The following DNAH14 variants were observed in gnomAD, a reference collection of about 807,000 sequenced individuals.
DNAH14 encodes the protein dynein axonemal heavy chain 14.
A neutral mutation model predicts 520.9 loss-of-function variants in DNAH14; 478 were observed. That is an observed-to-expected ratio of 0.92 (90% CI 0.85 to 0.99). DNAH14 has a LOEUF of 0.99. Ranked by LOEUF, DNAH14 falls within the 50% of genes least tolerant of loss-of-function variation. The pLI, the probability that DNAH14 is intolerant of heterozygous loss-of-function variation, is 0.00. For synonymous variants in DNAH14, 1,581 were observed against 1,757.2 expected (o/e 0.90, Z 2.51); for missense variants, 4,831 against 5,234.5 (o/e 0.92, Z 2.38).
chr1:225,124,896 C>G (rs1392762280), intron 27 of DNAH14, among the ~76,000 whole-genome samples: 1 of 150,054 alleles, frequency 6.7e-6, no homozygotes, highest in Non-Finnish European at 1.5e-5. Flanking sequence ...CCTTGAAAGT[C>G]AAAAGTACTC....
rs965181106 is a variant in DNAH14, at chr1:225,192,946, C to T, written c.5886+35C>T. ...GTATTGAATGAATGTTTTTATTTAA[C>T]TAATGTGGATTATTTAATTGCTTAT... On this transcript the variant is annotated intron_variant, in intron 38 of 85. Coordinates refer to ENST00000682510, the MANE Select transcript of DNAH14 (RefSeq NM_001367479.1). The T allele has an allele frequency of 2.8e-6, 4 of 1,441,846 alleles. No homozygotes were observed. In the African/African-American group the frequency reaches 5.7e-5, roughly 20 times the overall value. The allele number at this position is 1,441,846 out of a possible 1,614,324, so 89.3% of individuals were successfully genotyped here.
Position 225,346,343 on chromosome 1 carries a change from A to C in DNAH14, c.11060A>C (p.Lys3687Thr), listed in dbSNP as rs1254979967. 2.0e-6 allele frequency: 3 copies of C among 1,535,810 alleles called. No homozygotes were observed. Among genetic ancestry groups the C allele is most frequent in the Non-Finnish European group, 2.6e-6 (3 of 1,142,728 alleles). ...AAAAATCTCTTAGATAAGCATATTA[A>C]AAGTGCAATAGACATGTTGACAAAA... ...NEKNLLDKHI[K>T]SAIDMLTKSI... is the part of the protein sequence containing the mutation. The change falls in exon 70 of 86, where the codon AAA becomes ACA. Residue 3687 changes from lysine to threonine, a missense_variant. Coordinates refer to ENST00000682510, the MANE Select transcript of DNAH14 (RefSeq NM_001367479.1).
chr1:225,381,294 T>A, intron 80 of DNAH14, 89 bp from the exon 81 acceptor site: 6 of 1,301,274 alleles, frequency 4.6e-6, no homozygotes, highest in Non-Finnish European at 6.3e-6. Flanking sequence ...CACACAAAAT[T>A]CCCTTAACTT....
At chr1:225,041,878 A>C (rs561004936) in intron 12 of DNAH14, among the ~76,000 whole-genome samples, 63 of 152,298 alleles carry the variant, frequency 4.1e-4, no homozygotes, top group African/African-American at 1.4e-3. Flanking sequence ...ACTTTCTTTT[A>C]TTGTGATAAA....
intron 15 of DNAH14, among the ~76,000 whole-genome samples, chr1:225,049,045 C>CTTTTTTTTTTTTTTTTT (rs1196968494): frequency 2.3e-5 from 2 of 87,118 alleles, no homozygotes; most frequent in African/African-American, 4.5e-5. Flanking sequence ...GATCTCTTGC[C>CTTTTTTTTTTTTTTTTT]TATTTTTTTT....
chr1:225,117,625 GT>G, intron 23 of DNAH14, 58 bp from the exon 24 acceptor site: 1 of 1,048,272 alleles, frequency 9.5e-7, no homozygotes, highest in Non-Finnish European at 1.4e-6. Flanking sequence ...AAATGAGGAT[GT>G]AATTCATATC....
intron 27 of DNAH14, among the ~76,000 whole-genome samples, chr1:225,129,150 G>T (rs968684912): frequency 2.0e-5 from 3 of 149,906 alleles, no homozygotes; most frequent in Admixed American, 6.7e-5. Context: ...ACAAACCACT[G>T]CTCAATGAAA....
At chr1:225,376,397 A>G (rs2095701820) in intron 78 of DNAH14, among the ~76,000 whole-genome samples, 1 of 152,200 alleles carries the variant, frequency 6.6e-6, no homozygotes, top group Non-Finnish European at 1.5e-5. Flanking sequence ...AGTGCACTCC[A>G]GCCTGGGCGA....
At chr1:225,224,173 C>G (rs11487470) in intron 41 of DNAH14, among the ~76,000 whole-genome samples, 3 of 151,896 alleles carry the variant, frequency 2.0e-5, no homozygotes, top group African/African-American at 7.3e-5. Context: ...TGATAAGTTA[C>G]GAATCCTGTT....
chr1:225,266,733 G>A lies in DNAH14; in HGVS notation c.7503G>A (p.Leu2501=). Residue 2501 remains leucine (L), a synonymous_variant, in exon 49 of 86, where the codon TTG becomes TTA. Transcript: ENST00000682510. ...AATTGATAAGACAATTGTTAGATTT[G>A]GGAGGAGTTTATGATACTGAAAAAA... ...PLELIRQLLD[L]GGVYDTEKNT... 1.3e-6 allele frequency: 2 copies of A among 1,526,990 alleles called. No homozygotes were observed. The highest frequency in any genetic ancestry group is 1.8e-6 in the Non-Finnish European group (2 of 1,140,530). 94.6% of individuals were successfully genotyped at this position (1,526,990 alleles called of 1,614,324 possible). A position where few individuals can be genotyped will look rare whatever the true frequency, so the allele number is the denominator to read the frequency against.
intron 69 of DNAH14, 54 bp downstream of exon 69, chr1:225,340,755 A>G (rs2095161933): frequency 6.8e-7 from 1 of 1,475,664 alleles, no homozygotes; most frequent in African/African-American, 1.4e-5. Context: ...ATAGAATAAA[A>G]AGTTATAAGA....
At chr1:225,101,112 C>T (rs1208725326) in intron 23 of DNAH14, among the ~76,000 whole-genome samples, 1 of 151,430 alleles carries the variant, frequency 6.6e-6, no homozygotes, top group Admixed American at 6.6e-5. Flanking sequence ...CTTTTGAGTG[C>T]CCAGGTTCCC....
At position 225,399,035 on chromosome 1, in the gene DNAH14, A is replaced by G. The variant is rs1298718228; in HGVS notation, c.13639-19A>G. On this transcript the variant is annotated intron_variant, in intron 85 of 85. Coordinates refer to ENST00000682510, the MANE Select transcript of DNAH14 (RefSeq NM_001367479.1). Reference sequence around the variant, plus strand: ...TTGAACTATGCAATTTGACTACTGGATTTTTTTTTTTTTTAAAGATTTCTA... The same window carrying G: ...TTGAACTATGCAATTTGACTACTGGGTTTTTTTTTTTTTTAAAGATTTCTA... 6.1e-6 allele frequency: 7 copies of G among 1,150,190 alleles called. No individual in the cohort carries two copies. In the African/African-American group the frequency reaches 1.1e-4, roughly 18 times the overall value. The allele number at this position is 1,150,190 out of a possible 1,614,324, so 71.2% of individuals were successfully genotyped here. A position where few individuals can be genotyped will look rare whatever the true frequency, so the allele number is the denominator to read the frequency against.
chr1:225,099,756 A>G (rs570287982), intron 22 of DNAH14, among the ~76,000 whole-genome samples: 1 of 152,290 alleles, frequency 6.6e-6, no homozygotes, highest in Admixed American at 6.5e-5. Flanking sequence ...AGAGCCAATG[A>G]ATGGTGCAAT....
chr1:225,155,941 T>C (rs752799311), intron 34 of DNAH14, among the ~76,000 whole-genome samples: 5 of 152,166 alleles, frequency 3.3e-5, no homozygotes, highest in South Asian at 4.1e-4. Context: ...ACCAAAAAAT[T>C]AATATTAGAC....
rs576559538 is a variant in DNAH14, at chr1:224,998,274, T to C, written c.831-4509T>C. Among the ~76,000 whole-genome samples, 11 of 152,254 alleles carry C rather than the reference T, an allele frequency of 7.2e-5. No individual in the cohort carries two copies. In the South Asian group the frequency reaches 2.3e-3, roughly 32 times the overall value. ...TCTCTATGGTTTTTCTTTTCTCCAT[T>C]TCATTGATTTCTGCTCCTATCATAA... On this transcript the variant is annotated intron_variant, in intron 8 of 85. Coordinates refer to ENST00000682510, the MANE Select transcript of DNAH14 (RefSeq NM_001367479.1).
At chr1:225,260,755 A>C (rs1293933020) in intron 46 of DNAH14, among the ~76,000 whole-genome samples, 4 of 152,136 alleles carry the variant, frequency 2.6e-5, no homozygotes, top group African/African-American at 9.7e-5. Context: ...AACAATATTA[A>C]TTCTTTCAAT....
At position 225,085,783 on chromosome 1, in the gene DNAH14, C is replaced by T. The variant is rs2073694118; in HGVS notation, c.3567C>T (p.Pro1189=). Reference sequence around the variant, plus strand: ...TTAAAGGATCTCCCCACATTGGGCCCATTAAGGTAAGTATTATGGCAAAGG... The same window carrying T: ...TTAAAGGATCTCCCCACATTGGGCCTATTAAGGTAAGTATTATGGCAAAGG... ...ATIKGSPHIG[P]IKDLVNEWDQ... The change falls in exon 21 of 86, where the codon CCC becomes CCT. Residue 1189 remains proline, a synonymous_variant. Transcript: ENST00000682510. 1.9e-6 allele frequency: 3 copies of T among 1,540,304 alleles called. No individual in the cohort carries two copies. In the African/African-American group the frequency reaches 4.1e-5, roughly 21 times the overall value.
intron 23 of DNAH14, among the ~76,000 whole-genome samples, chr1:225,107,812 C>A (rs2076195777): frequency 6.6e-6 from 1 of 152,114 alleles, no homozygotes; most frequent in African/African-American, 2.4e-5. Context: ...TTGTTATTGC[C>A]TGTCTTTTGG....
Sources: gnomAD v4.1 joint callset for allele counts (sites outside exome capture counted in the v4.1 genomes callset) on GRCh38, gnomAD v4.1.1 for gene constraint, MANE v1.5 for transcripts, NCBI Gene and HGNC (gene_info 2026-07-23, HGNC 2026-07-21) for gene names.